Variants in CCDC146 observed in about 807,000 individuals in gnomAD.
CCDC146 encodes the protein coiled-coil domain containing 146.
CCDC146 carries 92 observed loss-of-function variants against 119.3 expected under a neutral mutation model. That is an observed-to-expected ratio of 0.77 (90% CI 0.65 to 0.92). The LOEUF (loss-of-function observed/expected upper bound fraction) is 0.92. Ranked by LOEUF, CCDC146 falls within the 40% of genes least tolerant of loss-of-function variation. CCDC146 has a pLI of 0.00. For missense variants in CCDC146, 1,000 were observed against 1,103.0 expected (o/e 0.91, Z 1.32); for synonymous variants, 372 against 371.8 (o/e 1.00, Z -0.01).
chr7:77,173,937 C>T (rs941807824), intron 2 of CCDC146, among the ~76,000 whole-genome samples: 7 of 152,138 alleles, frequency 4.6e-5, no homozygotes, highest in Admixed American at 2.0e-4. Flanking sequence ...TTCTCCCAAT[C>T]GTCTTTATTC....
chr7:77,223,584 T>A (rs1197280740), intron 2 of CCDC146, among the ~76,000 whole-genome samples: 1 of 152,258 alleles, frequency 6.6e-6, no homozygotes, highest in African/African-American at 2.4e-5. Context: ...ACTTTGCTCT[T>A]CCAGGCCTAT....
chr7:77,286,478 C>A (rs539845578), intron 15 of CCDC146, among the ~76,000 whole-genome samples: 12 of 152,288 alleles, frequency 7.9e-5, no homozygotes, highest in African/African-American at 2.4e-4. Flanking sequence ...TGGAGCCCTG[C>A]AACCACACAG....
At chr7:77,264,051 T>TA (rs1261528458) in intron 9 of CCDC146, among the ~76,000 whole-genome samples, 1 of 152,146 alleles carries the variant, frequency 6.6e-6, no homozygotes, top group Admixed American at 6.5e-5. Context: ...ATAACTGTTA[T>TA]ATATAGTATA....
At chr7:77,175,612 G>A (rs558854259) in intron 2 of CCDC146, among the ~76,000 whole-genome samples, 1 of 151,310 alleles carries the variant, frequency 6.6e-6, no homozygotes, top group Non-Finnish European at 1.5e-5. Context: ...AGCAGCATTT[G>A]TGTCCAAGTT....
At chr7:77,280,835 C>A (rs1269689301) in intron 14 of CCDC146, among the ~76,000 whole-genome samples, 182 bp downstream of exon 14, 1 of 152,142 alleles carries the variant, frequency 6.6e-6, no homozygotes, top group Non-Finnish European at 1.5e-5. Context: ...TCACGCTGGG[C>A]ACAGTGGCAT....
Position 77,293,080 on chromosome 7 carries a change from C to T in CCDC146, c.2544C>T (p.Ile848=), listed in dbSNP as rs1159179352. ...AAGTCAGGGAGAAAGAAGACTTCAT[C>T]TTCACTTGCAATTCCAGGATAGAAA... ...QKEVREKEDF[I]FTCNSRIEKG... is the part of the protein sequence containing the mutation. Residue 848 remains isoleucine (I), a synonymous_variant, in exon 18 of 19, where the codon ATC becomes ATT. Transcript: ENST00000285871. 3 of 1,614,074 alleles carry T rather than the reference C, an allele frequency of 1.9e-6. No individual in the cohort carries two copies. Among genetic ancestry groups the T allele is most frequent in the African/African-American group, 1.3e-5 (1 of 74,924 alleles).
At chr7:77,168,469 T>C (rs1327122604) in intron 2 of CCDC146, among the ~76,000 whole-genome samples, 1 of 151,938 alleles carries the variant, frequency 6.6e-6, no homozygotes, top group African/African-American at 2.4e-5. Context: ...TGATAAACTT[T>C]ATATAACTGA....
rs567371597 is a variant in CCDC146 at position 77,191,897 on chromosome 7, A to G, written c.156+24073A>G. Reference sequence around the variant, plus strand: ...TGCACTCCAGCCTGGGCGACAGAGCAAGACTCCATCTCAAAAAATAAAAAA... The same window carrying G: ...TGCACTCCAGCCTGGGCGACAGAGCGAGACTCCATCTCAAAAAATAAAAAA... On this transcript the variant is annotated intron_variant, in intron 2 of 18. Coordinates refer to ENST00000285871, the MANE Select transcript of CCDC146 (RefSeq NM_020879.3). 1.3e-4 allele frequency among the ~76,000 whole-genome samples: 20 copies of G among 152,030 alleles called. 1 individual carries two copies. In the South Asian group the frequency reaches 3.7e-3, roughly 28 times the overall value.
chr7:77,198,031 C>G (rs996643684), intron 2 of CCDC146: 50 of 677,508 alleles, frequency 7.4e-5, no homozygotes, highest in Non-Finnish European at 8.9e-5. Flanking sequence ...TTATTTCACC[C>G]AAAATGTTTA....
chr7:77,158,141 A>G (rs983719281), intron 1 of CCDC146, among the ~76,000 whole-genome samples: 1 of 150,038 alleles, frequency 6.7e-6, no homozygotes, highest in Non-Finnish European at 1.5e-5. Flanking sequence ...GTTGCTTTTT[A>G]TTTGGGCTTA....
intron 1 of CCDC146, among the ~76,000 whole-genome samples, chr7:77,146,324 G>C (rs1047899351): frequency 7.2e-5 from 11 of 151,970 alleles, no homozygotes; most frequent in Non-Finnish European, 1.6e-4. Context: ...ACATGAGATG[G>C]GTCTCCTGAA....
intron 1 of CCDC146, among the ~76,000 whole-genome samples, chr7:77,154,807 C>G (rs1041925917): frequency 8.6e-5 from 13 of 152,028 alleles, no homozygotes; most frequent in African/African-American, 1.7e-4. Context: ...ATAATCCTTT[C>G]AGTATATACC....
chr7:77,287,560 C>T lies in CCDC146; in HGVS notation c.2398C>T (p.Leu800=). Residue 800 remains leucine (L), a synonymous_variant, in exon 17 of 19, where the codon CTG becomes TTG. Coordinates refer to ENST00000285871, the MANE Select transcript of CCDC146 (RefSeq NM_020879.3). ...AACTCAGGGCTGCAAGCAGGACACA[C>T]TGCTCTTAGCCAAGAAGGTAGGCCT... The part of the protein sequence containing the change: ...SKTQGCKQDT[L]LLAKKMNGYQ... 1.2e-6 allele frequency: 2 copies of T among 1,613,630 alleles called. No homozygotes were observed. The highest frequency in any genetic ancestry group is 1.7e-6 in the Non-Finnish European group (2 of 1,179,918).
intron 2 of CCDC146, among the ~76,000 whole-genome samples, chr7:77,190,367 C>T (rs984287747): frequency 4.6e-5 from 7 of 152,220 alleles, no homozygotes; most frequent in African/African-American, 1.2e-4. Flanking sequence ...TCTCTCTCTA[C>T]ATGTCTTCTC....
chr7:77,248,373 A>G (rs1323607025), intron 4 of CCDC146, among the ~76,000 whole-genome samples: 2 of 152,238 alleles, frequency 1.3e-5, no homozygotes, highest in South Asian at 2.1e-4. Context: ...ACGTCACCAC[A>G]CTGCAATATA....
At chr7:77,251,961 T>C (rs1394829380) in intron 4 of CCDC146, among the ~76,000 whole-genome samples, 3 of 152,232 alleles carry the variant, frequency 2.0e-5, no homozygotes, top group African/African-American at 7.2e-5. Flanking sequence ...CGAGGCTGGC[T>C]AACATGGTGA....
intron 6 of CCDC146, among the ~76,000 whole-genome samples, chr7:77,258,711 C>T (rs906225100): frequency 1.3e-4 from 20 of 152,086 alleles, no homozygotes; most frequent in African/African-American, 4.8e-4. Flanking sequence ...TTTATTGGGA[C>T]GTCACTCCAT....
At chr7:77,293,876 C>T (rs1793996890) in intron 18 of CCDC146, among the ~76,000 whole-genome samples, 1 of 152,146 alleles carries the variant, frequency 6.6e-6, no homozygotes, top group South Asian at 2.1e-4. Context: ...CCGAAAGGGT[C>T]CCTATTTGCT....
In CCDC146 at chr7:77,292,885, G is replaced by A. The variant is rs1321969548; in HGVS notation, c.2416-67G>A. ...TGCACCCCGCCATTATAGACAGCCAGCAGCCTGCCATTTTAAGTCTTTGTG... is the reference window on the plus strand; with the variant it reads ...TGCACCCCGCCATTATAGACAGCCAACAGCCTGCCATTTTAAGTCTTTGTG... On this transcript the variant is annotated intron_variant, in intron 17 of 18. Coordinates refer to ENST00000285871, the MANE Select transcript of CCDC146 (RefSeq NM_020879.3). 4 of 1,523,166 alleles carry A rather than the reference G, an allele frequency of 2.6e-6. No individual in the cohort carries two copies. The African/African-American group carries it at 4.2e-5, about 16-fold the overall frequency. The allele number at this position is 1,523,166 out of a possible 1,614,324, so 94.4% of individuals were successfully genotyped here.
Sources: allele counts gnomAD v4.1 joint callset (sites outside exome capture counted in the v4.1 genomes callset), GRCh38; gene constraint gnomAD v4.1.1; transcripts MANE v1.5; gene names NCBI Gene and HGNC (gene_info 2026-07-23, HGNC 2026-07-21).